Variants in IFRD2 observed in about 807,000 individuals in gnomAD.
IFRD2 encodes interferon related developmental regulator 2.
In IFRD2, 35 loss-of-function variants were observed where a neutral mutation model predicts 49.2. The ratio of observed to expected loss-of-function variants is 0.71; its 90% CI spans 0.54 to 0.94. The LOEUF (loss-of-function observed/expected upper bound fraction) is 0.94. Among genes scored for constraint, IFRD2 ranks in the 40% least tolerant of loss-of-function variants. The pLI is 0.00. For synonymous variants in IFRD2, 275 were observed against 239.7 expected (o/e 1.15, Z -1.36); for missense variants, 561 against 591.6 (o/e 0.95, Z 0.54).
chr3:50,291,847 C>T (rs1414941949), intron 1 of IFRD2: 2 of 222,496 alleles, frequency 9.0e-6, no homozygotes, highest in Non-Finnish European at 1.7e-5. Flanking sequence ...CTCTCTTCAC[C>T]GGAGCAGGCC....
At chr3:50,288,774 T>C (rs782706446) in intron 9 of IFRD2, 26 bp downstream of exon 9, 1 of 1,612,638 alleles carries the variant, frequency 6.2e-7, no homozygotes, top group South Asian at 1.1e-5. Context: ...GCACCCTTGC[T>C]AGGACACATA....
rs1553709426 is a variant in IFRD2, at chr3:50,289,715, G to A, written c.594C>T (p.Ile198=). Residue 198 remains isoleucine (I), a synonymous_variant, in exon 6 of 12, where the codon ATC becomes ATT. Coordinates refer to ENST00000417626, the MANE Select transcript of IFRD2 (RefSeq NM_006764.5). The stretch of plus-strand genomic sequence containing the variant: ...CCTGTGCCCAAAGACCCCTCACCTG[G>A]ATGTCAGCGGCAGCCACGTAGCAGC... The part of the protein sequence containing the change: ...GLGCYVAAAD[I]QDLVSCLACL... 5.6e-6 allele frequency: 9 copies of A among 1,602,116 alleles called. No homozygotes were observed. The highest frequency in any genetic ancestry group is 7.7e-6 in the Non-Finnish European group (9 of 1,174,570).
chr3:50,288,236 G>A lies in IFRD2; in HGVS notation c.1284C>T (p.Thr428=). The change falls in exon 12 of 12, where the codon ACC becomes ACT. Residue 428 remains threonine, a synonymous_variant. Transcript: ENST00000417626. ...TGTCCCGCACACGGCTTCGAGCCTT[G>A]GTCCGGGCTTTGAAGGCAGCAGCAT... The part of the protein sequence containing the change: ...LYNAAAFKAR[T]KARSRVRDKR... The A allele has an allele frequency of 3.1e-6, 5 of 1,613,908 alleles. No homozygotes were observed. The highest frequency in any genetic ancestry group is 4.2e-6 in the Non-Finnish European group (5 of 1,179,848).
In IFRD2 at chr3:50,290,617, G is replaced by C; in HGVS notation, c.121C>G (p.Arg41Gly). ...SSDDEAASEA[R>G]STASECPSLL... ...CTGGGGCATTCACTGGCGGTGCTGC[G>C]GGCCTCACTGGCTGCCTCATCGTCA... The change falls in exon 2 of 12, where the codon CGC (arginine) becomes GGC (glycine). Residue 41 changes from arginine to glycine, a missense_variant. Transcript: ENST00000417626. 1 of 1,613,930 alleles carries C rather than the reference G, an allele frequency of 6.2e-7. No homozygotes were observed. The highest frequency in any genetic ancestry group is 8.5e-7 in the Non-Finnish European group (1 of 1,179,886).
At chr3:50,289,022 A>G (rs889783398) in intron 8 of IFRD2, 85 bp from the exon 9 acceptor site, 27 of 1,525,276 alleles carry the variant, frequency 1.8e-5, no homozygotes, top group Middle Eastern at 1.7e-4. Flanking sequence ...CCCTCCTTTC[A>G]CTGAGAGACC....
chr3:50,292,245 G>A lies in IFRD2; in HGVS notation c.30C>T (p.Leu10=), dbSNP rs781799420. ...CTCCACGGCGCTGACCACCCTTCCG[G>A]AGCGTGTTGCCCTTACGGGCGCGAG... The part of the protein sequence containing the change: MPRARKGNT[L]RKGGQRRGGG... Residue 10 remains leucine, a synonymous_variant, in exon 1 of 12, where the codon CTC becomes CTT. Transcript: ENST00000417626. 16 of 1,516,460 alleles carry A rather than the reference G, an allele frequency of 1.1e-5. No homozygotes were observed. The highest frequency in any genetic ancestry group is 1.4e-5 in the African/African-American group (1 of 71,928). The allele number at this position is 1,516,460 out of a possible 1,614,324, so 93.9% of individuals were successfully genotyped here.
At chr3:50,288,540 G>A (rs1553708990) in intron 10 of IFRD2, 36 bp from the exon 11 acceptor site, 1 of 1,613,994 alleles carries the variant, frequency 6.2e-7, no homozygotes, top group Non-Finnish European at 8.5e-7. Context: ...AGGCCAGACT[G>A]AAGCAACCAC....
rs941905028 is a variant in IFRD2 at position 50,288,711 on chromosome 3, C to A, written c.1024G>T (p.Gly342Cys). 1.2e-6 allele frequency: 2 copies of A among 1,613,276 alleles called. No homozygotes were observed. The highest frequency in any genetic ancestry group is 2.7e-5 in the African/African-American group (2 of 74,926). Residue 342 changes from glycine (G) to cysteine (C), a missense_variant and splice_region_variant, in exon 10 of 12, where the codon GGC becomes TGC. Transcript: ENST00000417626. ...TFRAVLHSVE[G>C]GECEEEIVRF... is the part of the protein sequence containing the mutation. ...ACTATCTCTTCTTCGCATTCACCGC[C>A]CTGCAGGGTAGAGGTGCCAACACAA...
At position 50,292,409 on chromosome 3, in the gene IFRD2, C is replaced by T; in HGVS notation, c.-135G>A. On this transcript the variant is annotated 5_prime_UTR_variant, in exon 1 of 12. Coordinates refer to ENST00000417626, the MANE Select transcript of IFRD2 (RefSeq NM_006764.5). ...AGCCACACGCCACGCGCGCCACCAT[C>T]TTCGCGAGGCGCCCCGCCCTGCCAA... 1 of 1,595,036 alleles carries T rather than the reference C, an allele frequency of 6.3e-7. No homozygotes were observed. Among genetic ancestry groups the T allele is most frequent in the Non-Finnish European group, 8.5e-7 (1 of 1,176,878 alleles).
Position 50,290,032 on chromosome 3 carries a change from T to G in IFRD2, c.443A>C (p.Gln148Pro), listed in dbSNP as rs782024632. Residue 148 changes from glutamine to proline, a missense_variant, in exon 5 of 12, where the codon CAG becomes CCG. Gln to Pro is a moderately conservative substitution (Grantham distance 76, BLOSUM62 -1). Transcript: ENST00000417626. ...AAAVLGLLCV[Q>P]LGPGPKGEEL... Reference sequence around the variant, plus strand: ...CTCACCCTTAGGTCCAGGGCCCAGCTGCACGCAGAGCAGGCCTAGCACAGC... The same window carrying G: ...CTCACCCTTAGGTCCAGGGCCCAGCGGCACGCAGAGCAGGCCTAGCACAGC... 3.7e-6 allele frequency: 6 copies of G among 1,613,652 alleles called. No homozygotes were observed. In the South Asian group the frequency reaches 6.6e-5, roughly 18 times the overall value.
chr3:50,292,027 G>C (rs1476418094), intron 1 of IFRD2, 190 bp downstream of exon 1: 1 of 607,846 alleles, frequency 1.6e-6, no homozygotes, highest in Admixed American at 3.7e-5. Context: ...AGTGGGCAGC[G>C]AGCTCAAGTT....
intron 11 of IFRD2, 60 bp downstream of exon 11, chr3:50,288,349 A>C: frequency 6.2e-7 from 1 of 1,604,548 alleles, no homozygotes; most frequent in Non-Finnish European, 8.5e-7. Context: ...GCCTCTACAG[A>C]ATTCCAGGCC....
Position 50,289,348 on chromosome 3 carries a change from C to A in IFRD2, c.792G>T (p.Arg264=). 3 of 1,598,402 alleles carry A rather than the reference C, an allele frequency of 1.9e-6. No individual in the cohort carries two copies. Among genetic ancestry groups the A allele is most frequent in the Non-Finnish European group, 2.6e-6 (3 of 1,172,610 alleles). Reference sequence around the variant, plus strand: ...TTTCACTGGACAAGAGCTGGGGCAGCCGGGGCAGCTGCCTAGGGAAGGGGC... The same window carrying A: ...TTTCACTGGACAAGAGCTGGGGCAGACGGGGCAGCTGCCTAGGGAAGGGGC... ...ISHILDRQLP[R]LPQLLSSESV... is the part of the protein sequence containing the mutation. Residue 264 remains arginine, a synonymous_variant, in exon 8 of 12, where the codon CGG becomes CGT. Coordinates refer to ENST00000417626, the MANE Select transcript of IFRD2 (RefSeq NM_006764.5).
chr3:50,288,972 G>A (rs1701616039), intron 8 of IFRD2, 35 bp from the exon 9 acceptor site: 1 of 1,603,752 alleles, frequency 6.2e-7, no homozygotes, highest in African/African-American at 1.3e-5. Context: ...TGTGGTAGAT[G>A]CTTGAGCTCT....
chr3:50,288,806 G>A lies in IFRD2; in HGVS notation c.1017C>T (p.Ser339=), dbSNP rs782611509. 97 of 1,613,212 alleles carry A rather than the reference G, an allele frequency of 6.0e-5. 1 individual carries two copies. The highest frequency in any genetic ancestry group is 1.3e-4 in the South Asian group (12 of 90,972). The part of the protein sequence containing the change: ...QRSTFRAVLH[S]VEGGECEEEI... ...CATATGTTCTCACACACACCTCCAC[G>A]GAGTGCAGCACGGCGCGGAAAGTAG... The change falls in exon 9 of 12, where the codon TCC becomes TCT. Residue 339 remains serine (S), a synonymous_variant. Transcript: ENST00000417626.
chr3:50,288,085 A>T lies in IFRD2; in HGVS notation c.*106T>A, dbSNP rs1701590498. On this transcript the variant is annotated 3_prime_UTR_variant, in exon 12 of 12. Transcript: ENST00000417626. Reference sequence around the variant, plus strand: ...CATGTCTGTTTTTGGTTTTGTCATTAAAAAAAATAAAGTGACAAATACTGG... The same window carrying T: ...CATGTCTGTTTTTGGTTTTGTCATTTAAAAAAATAAAGTGACAAATACTGG... The T allele has an allele frequency of 3.9e-6, 4 of 1,038,956 alleles. No individual in the cohort carries two copies. The highest frequency in any genetic ancestry group is 4.3e-6 in the Non-Finnish European group (3 of 698,268). The allele number at this position is 1,038,956 out of a possible 1,614,324, so 64.4% of individuals were successfully genotyped here. A position where few individuals can be genotyped will look rare whatever the true frequency, so the allele number is the denominator to read the frequency against.
At chr3:50,292,096 A>C (rs1440838125) in intron 1 of IFRD2, 121 bp downstream of exon 1, 1 of 1,100,382 alleles carries the variant, frequency 9.1e-7, no homozygotes, top group East Asian at 2.8e-5. Flanking sequence ...GAGTTATGGG[A>C]AGCTGCGTGG....
In IFRD2 at chr3:50,289,954, G is replaced by C; in HGVS notation, c.521C>G (p.Thr174Arg). The C allele has an allele frequency of 6.2e-7, 1 of 1,613,198 alleles. No individual in the cohort carries two copies. Among genetic ancestry groups the C allele is most frequent in the East Asian group, 2.2e-5 (1 of 44,854 alleles). The change falls in exon 5 of 12, where the codon ACA becomes AGA. Residue 174 changes from threonine (T) to arginine (R), a missense_variant. Transcript: ENST00000417626. ...GTGGAGCCGGGCAGCAGGGCTAGCT[G>C]TGCTGTCACTGAGCACAGAGACCAG... ...PLLVSVLSDSTASPAARLHCA... is the reference protein window; with the variant it reads ...PLLVSVLSDSRASPAARLHCA...
chr3:50,290,643 C>A lies in IFRD2; in HGVS notation c.95G>T (p.Ser32Ile). 6.2e-7 allele frequency: 1 copy of A among 1,614,008 alleles called. No individual in the cohort carries two copies. Among genetic ancestry groups the A allele is most frequent in the South Asian group, 1.1e-5 (1 of 91,064 alleles). Reference protein sequence around the residue: ...RSSAQADSGSSDDEAASEARS... With the variant: ...RSSAQADSGSIDDEAASEARS... ...GGCCTCACTGGCTGCCTCATCGTCA[C>A]TGGAACCCGAGTCAGCTTGGGCACT... The change falls in exon 2 of 12, where the codon AGT (serine) becomes ATT (isoleucine). Residue 32 changes from serine (S) to isoleucine (I), a missense_variant. Transcript: ENST00000417626.
Sources: gnomAD v4.1 joint callset for allele counts on GRCh38, gnomAD v4.1.1 for gene constraint, MANE v1.5 for transcripts, NCBI Gene and HGNC (gene_info 2026-07-23, HGNC 2026-07-21) for gene names.